The following FSTL5 variants were observed in gnomAD, a reference collection of about 807,000 sequenced individuals.
The protein encoded by FSTL5 is follistatin-related protein 5.
In FSTL5, 62 loss-of-function variants were observed where a neutral mutation model predicts 89.1. The ratio of observed to expected loss-of-function variants is 0.70; its 90% CI spans 0.57 to 0.86. The LOEUF (loss-of-function observed/expected upper bound fraction) is 0.86, where lower values mean the gene tolerates loss of function less well. FSTL5 is among the 40% of genes least tolerant of loss of function. The probability of loss-of-function intolerance (pLI) is 0.00; values close to 1 mark genes in which losing one functional copy is unlikely to be tolerated. For synonymous variants in FSTL5, 383 were observed against 346.2 expected (o/e 1.11, Z -1.18); for missense variants, 1,057 against 1,001.6 (o/e 1.06, Z -0.75).
chr4:161,570,316 A>C (rs1364379209), intron 8 of FSTL5, among the ~76,000 whole-genome samples: 1 of 152,200 alleles, frequency 6.6e-6, no homozygotes, highest in Non-Finnish European at 1.5e-5. Flanking sequence ...ACTGAGACTT[A>C]TGGAGATCTG....
chr4:161,514,311 T>C (rs1730745419), intron 10 of FSTL5, among the ~76,000 whole-genome samples: 1 of 152,012 alleles, frequency 6.6e-6, no homozygotes, highest in African/African-American at 2.4e-5. Flanking sequence ...TGAAATCTTG[T>C]CTTTTGCAGT....
chr4:162,059,963 A>G (rs1172565605), intron 2 of FSTL5, among the ~76,000 whole-genome samples: 2 of 152,180 alleles, frequency 1.3e-5, no homozygotes, highest in East Asian at 3.9e-4. Flanking sequence ...GCTGACTTGG[A>G]TTCTACTTGA....
At chr4:161,445,579 T>G (rs1044846441) in intron 15 of FSTL5, among the ~76,000 whole-genome samples, 1 of 152,010 alleles carries the variant, frequency 6.6e-6, no homozygotes, top group Admixed American at 6.6e-5. Flanking sequence ...TCAAGTATTT[T>G]AAAATATTAA....
chr4:162,052,063 AT>A (rs1738395564), intron 2 of FSTL5, among the ~76,000 whole-genome samples: 1 of 151,724 alleles, frequency 6.6e-6, no homozygotes, highest in African/African-American at 2.4e-5. Context: ...AATTAAAAAA[AT>A]AAAAGTAGAA....
At chr4:161,648,283 T>C (rs1736219651) in intron 7 of FSTL5, among the ~76,000 whole-genome samples, 1 of 152,114 alleles carries the variant, frequency 6.6e-6, no homozygotes, top group Admixed American at 6.5e-5. Context: ...AACACATGGC[T>C]ACGGGGGATT....
chr4:161,732,360 T>C (rs531405812), intron 6 of FSTL5, among the ~76,000 whole-genome samples: 1 of 152,160 alleles, frequency 6.6e-6, no homozygotes, highest in African/African-American at 2.4e-5. Context: ...TCCCCTGTTA[T>C]TGGGTGGAAG....
chr4:161,745,768 T>C (rs1238247314), intron 6 of FSTL5, among the ~76,000 whole-genome samples: 1 of 152,058 alleles, frequency 6.6e-6, no homozygotes, highest in East Asian at 1.9e-4. Context: ...AAAAACATGT[T>C]GAGCTGTCAC....
At chr4:161,977,672 AT>A (rs35398336) in intron 3 of FSTL5, among the ~76,000 whole-genome samples, 34,893 of 140,048 alleles carry the variant, frequency 0.25, 5,201 homozygotes, top group African/African-American at 0.42. Context: ...ATAATAAATT[AT>A]TTTTTTAAAA....
intron 6 of FSTL5, among the ~76,000 whole-genome samples, chr4:161,700,134 A>C (rs1036577021): frequency 7.9e-5 from 12 of 152,192 alleles, no homozygotes; most frequent in Admixed American, 7.9e-4. Flanking sequence ...ATATGCTTGT[A>C]ACTATTTTAA....
chr4:161,539,411 C>T (rs16999330), intron 9 of FSTL5, among the ~76,000 whole-genome samples: 31,922 of 151,952 alleles, frequency 0.21, 3,962 homozygotes, highest in East Asian at 0.54. Flanking sequence ...TATGGACAGG[C>T]AGTGGATGTG....
intron 6 of FSTL5, among the ~76,000 whole-genome samples, chr4:161,732,171 C>A (rs1472556040): frequency 2.0e-5 from 3 of 151,926 alleles, no homozygotes; most frequent in Admixed American, 6.6e-5. Context: ...ATATCTTTGC[C>A]AACAAAAGGT....
intron 4 of FSTL5, among the ~76,000 whole-genome samples, chr4:161,877,279 T>G (rs747862455): frequency 1.3e-5 from 2 of 150,830 alleles, no homozygotes; most frequent in Non-Finnish European, 3.0e-5. Flanking sequence ...TAGTAGAATA[T>G]GGTATACTTA....
chr4:161,944,008 C>G (rs1387737949), intron 3 of FSTL5, among the ~76,000 whole-genome samples: 1 of 152,074 alleles, frequency 6.6e-6, no homozygotes, highest in Non-Finnish European at 1.5e-5. Context: ...CAATTTAAGG[C>G]TCGTGTTTCT....
chr4:161,658,205 C>A (rs1044567548), intron 6 of FSTL5, among the ~76,000 whole-genome samples: 1 of 152,100 alleles, frequency 6.6e-6, no homozygotes, highest in African/African-American at 2.4e-5. Flanking sequence ...GTGGCTCACG[C>A]CTGTAATTTC....
chr4:161,426,118 A>C (rs915672266), intron 15 of FSTL5, among the ~76,000 whole-genome samples: 2 of 152,076 alleles, frequency 1.3e-5, no homozygotes, highest in East Asian at 3.8e-4. Flanking sequence ...GTAATTCATA[A>C]ACATTTTTGT....
rs572263032 is a variant in FSTL5, at chr4:161,950,629, T to C, written c.161-29977A>G. 2.0e-5 allele frequency among the ~76,000 whole-genome samples: 3 copies of C among 152,276 alleles called. No individual in the cohort carries two copies. In the East Asian group the frequency reaches 5.8e-4, roughly 30 times the overall value. On this transcript the variant is annotated intron_variant, in intron 3 of 15. Transcript: ENST00000306100. ...CGCATGAGTTCTGCTCTCTCTTCAGTGTTCTGAAACCACAGCTTACTGAAG... is the reference window on the plus strand; with the variant it reads ...CGCATGAGTTCTGCTCTCTCTTCAGCGTTCTGAAACCACAGCTTACTGAAG...
At chr4:161,715,109 C>T (rs750998517) in intron 6 of FSTL5, among the ~76,000 whole-genome samples, 1 of 151,940 alleles carries the variant, frequency 6.6e-6, no homozygotes, top group Non-Finnish European at 1.5e-5. Flanking sequence ...ATGAGAAACA[C>T]ATGTTTTAAG....
intron 3 of FSTL5, among the ~76,000 whole-genome samples, chr4:162,006,665 A>G (rs1736625856): frequency 6.6e-6 from 1 of 151,934 alleles, no homozygotes; most frequent in African/African-American, 2.4e-5. Context: ...CTAAATAGCT[A>G]AATATTTAAT....
At chr4:161,530,682 T>A (rs114815304) in intron 10 of FSTL5, among the ~76,000 whole-genome samples, 1 of 152,012 alleles carries the variant, frequency 6.6e-6, no homozygotes, top group Non-Finnish European at 1.5e-5. Context: ...TCTATTATAA[T>A]ATATTTAGAC....
Sources: allele counts gnomAD v4.1 joint callset (sites outside exome capture counted in the v4.1 genomes callset), GRCh38; gene constraint gnomAD v4.1.1; transcripts MANE v1.5; gene names NCBI Gene and HGNC (gene_info 2026-07-23, HGNC 2026-07-21).